Variants in RPS6KC1 observed in about 807,000 individuals in gnomAD.
RPS6KC1 encodes inactive ribosomal protein S6 kinase delta-1.
RPS6KC1 carries 54 observed loss-of-function variants against 103.8 expected under a neutral mutation model. The observed-to-expected ratio is 0.52, with a 90% CI of 0.42 to 0.65. The LOEUF (loss-of-function observed/expected upper bound fraction) is 0.65. Ranked by LOEUF, RPS6KC1 falls within the 30% of genes least tolerant of loss-of-function variation. The probability of loss-of-function intolerance (pLI) is 0.00; values close to 1 mark genes in which losing one functional copy is unlikely to be tolerated. For missense variants in RPS6KC1, 1,151 were observed against 1,253.8 expected (o/e 0.92, Z 1.24); for synonymous variants, 439 against 438.7 (o/e 1.00, Z -0.01).
the RPS6KC1 span, among the ~76,000 whole-genome samples, chr1:213,532,316 C>T: frequency 6.6e-6 from 1 of 151,366 alleles, no homozygotes; most frequent in African/African-American, 2.4e-5. Context: ...GGATAACTCT[C>T]TCCATCTTAG....
At chr1:213,231,386 T>C (rs2094102293) in intron 9 of RPS6KC1, among the ~76,000 whole-genome samples, 1 of 152,216 alleles carries the variant, frequency 6.6e-6, no homozygotes, top group African/African-American at 2.4e-5. Context: ...GAGAGAACCC[T>C]CAATTTTGAA....
the RPS6KC1 span, among the ~76,000 whole-genome samples, chr1:213,324,593 C>CTTTTTTTTTTTTTTTTTTTT: frequency 1.2e-5 from 1 of 81,824 alleles, no homozygotes; most frequent in African/African-American, 4.0e-5. Flanking sequence ...GCTCGATATG[C>CTTTTTTTTTTTTTTTTTTTT]TTTTTTTTTT....
chr1:213,068,608 A>G (rs889118224), intron 1 of RPS6KC1, among the ~76,000 whole-genome samples: 45 of 151,888 alleles, frequency 3.0e-4, no homozygotes, highest in African/African-American at 1.0e-3. Flanking sequence ...AGTAATAGCT[A>G]AAATCAAAGA....
chr1:213,155,381 A>G (rs1229723167), intron 6 of RPS6KC1, among the ~76,000 whole-genome samples: 11 of 152,332 alleles, frequency 7.2e-5, no homozygotes, highest in Non-Finnish European at 1.5e-4. Context: ...TTGGAGACAC[A>G]GAGTGCTGTA....
chr1:213,354,160 A>G, the RPS6KC1 span, among the ~76,000 whole-genome samples: 3 of 152,188 alleles, frequency 2.0e-5, no homozygotes, highest in African/African-American at 4.8e-5. Flanking sequence ...GTTTCCTCAT[A>G]TGTAAAACAG....
chr1:213,192,979 T>C (rs1188565632), intron 8 of RPS6KC1, among the ~76,000 whole-genome samples: 1 of 152,152 alleles, frequency 6.6e-6, no homozygotes, highest in African/African-American at 2.4e-5. Flanking sequence ...TTTCTTAATT[T>C]CCGTGTATTT....
the RPS6KC1 span, among the ~76,000 whole-genome samples, chr1:213,657,185 G>T: frequency 1.3e-5 from 2 of 152,204 alleles, no homozygotes; most frequent in South Asian, 4.1e-4. Context: ...AGGTAAGAAA[G>T]AGACATATGT....
At chr1:213,454,147 TG>T in the RPS6KC1 span, among the ~76,000 whole-genome samples, 24 of 150,598 alleles carry the variant, frequency 1.6e-4, no homozygotes, top group Admixed American at 4.0e-4. Context: ...TTTGACCACA[TG>T]GGGGGGGTCA....
chr1:213,612,425 G>C, the RPS6KC1 span, among the ~76,000 whole-genome samples: 41 of 152,274 alleles, frequency 2.7e-4, no homozygotes, highest in African/African-American at 9.6e-4. Context: ...AGAGCCGAGG[G>C]CCTGAAATAG....
chr1:213,151,392 G>A (rs1180675596), intron 6 of RPS6KC1, among the ~76,000 whole-genome samples: 5 of 136,044 alleles, frequency 3.7e-5, no homozygotes, highest in Admixed American at 3.5e-4. Context: ...GCCGGGCAGA[G>A]GGGCTCCTCG....
At chr1:213,426,525 A>G in the RPS6KC1 span, among the ~76,000 whole-genome samples, 1 of 152,208 alleles carries the variant, frequency 6.6e-6, no homozygotes, top group South Asian at 2.1e-4. Flanking sequence ...TTTTATTTGA[A>G]TAAAGGATTA....
intron 3 of RPS6KC1, among the ~76,000 whole-genome samples, chr1:213,096,601 G>T (rs752244436): frequency 2.0e-5 from 3 of 151,906 alleles, no homozygotes; most frequent in African/African-American, 7.3e-5. Flanking sequence ...GGAGGCGGAG[G>T]TTGCAGTGAT....
At chr1:213,807,980 G>T in the RPS6KC1 span, among the ~76,000 whole-genome samples, 2 of 152,148 alleles carry the variant, frequency 1.3e-5, no homozygotes, top group African/African-American at 2.4e-5. Flanking sequence ...CTGTTTGTTA[G>T]TTTTCCTTCT....
chr1:213,465,123 A>G, the RPS6KC1 span, among the ~76,000 whole-genome samples: 6 of 152,128 alleles, frequency 3.9e-5, no homozygotes, highest in African/African-American at 1.4e-4. Context: ...GGATCATCCA[A>G]GACCTCTGTT....
intron 12 of RPS6KC1, among the ~76,000 whole-genome samples, chr1:213,248,890 A>G (rs998856554): frequency 3.3e-5 from 5 of 152,336 alleles, no homozygotes; most frequent in Admixed American, 1.3e-4. Flanking sequence ...GAGAAGTTCA[A>G]TGAATTGATG....
the RPS6KC1 span, among the ~76,000 whole-genome samples, chr1:213,409,624 G>T: frequency 9.2e-5 from 14 of 152,212 alleles, 1 homozygote; most frequent in Admixed American, 3.3e-4. Context: ...TGAAAGTTCA[G>T]ATTTGGGATC....
At chr1:213,824,249 G>C in the RPS6KC1 span, among the ~76,000 whole-genome samples, 9 of 152,194 alleles carry the variant, frequency 5.9e-5, no homozygotes, top group Non-Finnish European at 2.9e-5. Flanking sequence ...CTCTAAGGGT[G>C]CTCCATGTCA....
chr1:213,171,337 G>A (rs1036741814), intron 7 of RPS6KC1, among the ~76,000 whole-genome samples: 3 of 151,582 alleles, frequency 2.0e-5, no homozygotes, highest in Non-Finnish European at 4.4e-5. Context: ...TTAACTGAAG[G>A]AGACAGATTT....
the RPS6KC1 span, among the ~76,000 whole-genome samples, chr1:213,517,207 A>G: frequency 0.94 from 142,445 of 152,114 alleles, 66,791 homozygotes; most frequent in East Asian, 1. Flanking sequence ...TTTTTGAAGC[A>G]TTTTTTGTGT....
Sources: allele counts gnomAD v4.1 joint callset (sites outside exome capture counted in the v4.1 genomes callset), GRCh38; gene constraint gnomAD v4.1.1; transcripts MANE v1.5; gene names NCBI Gene and HGNC (gene_info 2026-07-23, HGNC 2026-07-21).